Variants in PARVA observed in about 807,000 individuals in gnomAD.
PARVA encodes parvin alpha.
In PARVA, 25 loss-of-function variants were observed where a neutral mutation model predicts 52.6. That is an observed-to-expected ratio of 0.48 (90% CI 0.35 to 0.66). PARVA has a LOEUF of 0.66. Ranked by LOEUF, PARVA falls within the 30% of genes least tolerant of loss-of-function variation. The pLI is 0.01. For missense variants in PARVA, 373 were observed against 450.9 expected, an observed-to-expected ratio of 0.83 and a Z score of 1.56; for synonymous variants, 185 against 179.1, an observed-to-expected ratio of 1.03 and a Z score of -0.26.
intron 6 of PARVA, among the ~76,000 whole-genome samples, chr11:12,507,641 C>T (rs1374510579): frequency 1.3e-5 from 2 of 152,150 alleles, no homozygotes; most frequent in African/African-American, 4.8e-5. Flanking sequence ...GTTTCTCTGA[C>T]CATTCTAGCT....
intron 1 of PARVA, among the ~76,000 whole-genome samples, chr11:12,460,203 A>G (rs1940758425): frequency 6.6e-6 from 1 of 152,196 alleles, no homozygotes. Context: ...TCGTATAGAA[A>G]GCAAATGTTG....
chr11:12,399,974 CATT>C (rs1939803017), intron 1 of PARVA, among the ~76,000 whole-genome samples: 1 of 152,076 alleles, frequency 6.6e-6, no homozygotes, highest in Non-Finnish European at 1.5e-5. Context: ...CTGGGTCAAA[CATT>C]ATGAAGGCTT....
At chr11:12,413,581 TACACTC>T (rs112501023) in intron 1 of PARVA, among the ~76,000 whole-genome samples, 15,961 of 152,190 alleles carry the variant, frequency 0.1, 1,169 homozygotes, top group African/African-American at 0.21. Context: ...ATGGAACCTG[TACACTC>T]ACACATTTTT....
chr11:12,415,410 T>C (rs574206868), intron 1 of PARVA, among the ~76,000 whole-genome samples: 1 of 152,268 alleles, frequency 6.6e-6, no homozygotes, highest in East Asian at 1.9e-4. Flanking sequence ...ACCAACCACT[T>C]TGACAATGAA....
intron 1 of PARVA, among the ~76,000 whole-genome samples, chr11:12,405,362 A>G (rs1939887331): frequency 6.6e-6 from 1 of 152,358 alleles, no homozygotes; most frequent in South Asian, 2.1e-4. Context: ...CCTGATTACA[A>G]ATTTAACACA....
At chr11:12,397,517 T>C (rs192338433) in intron 1 of PARVA, among the ~76,000 whole-genome samples, 1 of 152,358 alleles carries the variant, frequency 6.6e-6, no homozygotes, top group East Asian at 1.9e-4. Context: ...GATTTTACCA[T>C]ATTGCTCTCC....
intron 4 of PARVA, among the ~76,000 whole-genome samples, chr11:12,481,819 G>C (rs1462595362): frequency 6.6e-6 from 1 of 152,110 alleles, no homozygotes; most frequent in Non-Finnish European, 1.5e-5. Context: ...CTTAGAAGAT[G>C]ATGGAAATGG....
At chr11:12,382,867 C>G (rs903768966) in intron 1 of PARVA, among the ~76,000 whole-genome samples, 1 of 152,090 alleles carries the variant, frequency 6.6e-6, no homozygotes, top group Non-Finnish European at 1.5e-5. Context: ...TAAATGAGAT[C>G]GAGAATGTAA....
In PARVA at chr11:12,435,625, G is replaced by C. The variant is rs1368785266; in HGVS notation, c.137-38120G>C. Among the ~76,000 whole-genome samples the C allele has an allele frequency of 2.6e-5, 4 of 152,154 alleles. No individual in the cohort carries two copies. In the East Asian group the frequency reaches 7.7e-4, roughly 29 times the overall value. ...CATAGGTCATAAGGAATGATGAGTGGGTGGTTCCTAAACTCTGGAGAAGAG... is the reference window on the plus strand; with the variant it reads ...CATAGGTCATAAGGAATGATGAGTGCGTGGTTCCTAAACTCTGGAGAAGAG... On this transcript the variant is annotated intron_variant, in intron 1 of 12. Transcript: ENST00000334956.
chr11:12,520,626 G>T (rs1941624542), intron 12 of PARVA, among the ~76,000 whole-genome samples: 1 of 152,148 alleles, frequency 6.6e-6, no homozygotes, highest in Non-Finnish European at 1.5e-5. Flanking sequence ...GTAAGCCAAG[G>T]GTTAGCATCA....
intron 1 of PARVA, among the ~76,000 whole-genome samples, chr11:12,415,199 GA>G (rs1940049350): frequency 6.6e-6 from 1 of 152,180 alleles, no homozygotes; most frequent in Non-Finnish European, 1.5e-5. Context: ...TTTGGGACTG[GA>G]AATCTGTGAA....
intron 1 of PARVA, among the ~76,000 whole-genome samples, chr11:12,448,637 G>T (rs887516719): frequency 3.3e-5 from 5 of 152,194 alleles, no homozygotes; most frequent in African/African-American, 1.2e-4. Context: ...GGATCAGACA[G>T]TGATGCTGTT....
chr11:12,525,777 T>A (rs1013767550), intron 12 of PARVA, among the ~76,000 whole-genome samples: 2 of 152,032 alleles, frequency 1.3e-5, no homozygotes, highest in Non-Finnish European at 2.9e-5. Context: ...ATCTGGGAGC[T>A]CCAGGCCACT....
intron 5 of PARVA, 95 bp from the exon 6 acceptor site, chr11:12,504,219 C>T (rs111752376): frequency 1.4e-6 from 1 of 693,250 alleles, no homozygotes; most frequent in Non-Finnish European, 2.6e-6. Flanking sequence ...TATCCAAACT[C>T]TATCAGTGGG....
chr11:12,454,010 T>TTGC (rs1010755275), intron 1 of PARVA, among the ~76,000 whole-genome samples: 1 of 152,168 alleles, frequency 6.6e-6, no homozygotes, highest in African/African-American at 2.4e-5. Flanking sequence ...ATCCACTCCT[T>TTGC]TGCCCCTTCC....
intron 7 of PARVA, among the ~76,000 whole-genome samples, chr11:12,509,499 CCAGCA>C (rs1160984348): frequency 1.3e-5 from 2 of 152,188 alleles, no homozygotes; most frequent in Non-Finnish European, 2.9e-5. Flanking sequence ...CATCTTTTCT[CCAGCA>C]CAGCTGACCC....
intron 3 of PARVA, among the ~76,000 whole-genome samples, chr11:12,474,634 A>G (rs1032438800): frequency 2.0e-5 from 3 of 152,122 alleles, no homozygotes; most frequent in African/African-American, 7.2e-5. Flanking sequence ...GGAGTTCGAG[A>G]CCAGCCTGGG....
chr11:12,448,040 C>CT (rs1159742715), intron 1 of PARVA, among the ~76,000 whole-genome samples: 1 of 152,200 alleles, frequency 6.6e-6, no homozygotes, highest in Non-Finnish European at 1.5e-5. Context: ...TTTCCCTCAC[C>CT]TGTCAAGGTA....
At chr11:12,499,450 T>C (rs1409497593) in intron 5 of PARVA, among the ~76,000 whole-genome samples, 1 of 151,994 alleles carries the variant, frequency 6.6e-6, no homozygotes, top group Non-Finnish European at 1.5e-5. Context: ...TTTTTTTTTT[T>C]CTAATTCACA....
Sources: gnomAD v4.1 joint callset for allele counts (sites outside exome capture counted in the v4.1 genomes callset) on GRCh38, gnomAD v4.1.1 for gene constraint, MANE v1.5 for transcripts, NCBI Gene and HGNC (gene_info 2026-07-23, HGNC 2026-07-21) for gene names.